FEZF1: variants seen among roughly 807,000 people sequenced by gnomAD.
FEZF1 encodes the protein FEZ family zinc finger 1, also known as fez family zinc finger protein 1.
FEZF1 carries 8 observed loss-of-function variants against 32.4 expected under a neutral mutation model. The ratio of observed to expected loss-of-function variants is 0.25; its 90% CI spans 0.15 to 0.45. The LOEUF (loss-of-function observed/expected upper bound fraction) is 0.45. FEZF1 is among the 20% of genes least tolerant of loss of function. The pLI, the probability that FEZF1 is intolerant of heterozygous loss-of-function variation, is 1.00. For synonymous variants in FEZF1, 259 were observed against 265.2 expected, an observed-to-expected ratio of 0.98 and a Z score of 0.23; for missense variants, 546 against 622.3, an observed-to-expected ratio of 0.88 and a Z score of 1.31.
intron 1 of FEZF1, 33 bp from the exon 2 acceptor site, chr7:122,303,344 C>T (rs770271162): frequency 4.8e-5 from 77 of 1,611,588 alleles, no homozygotes; most frequent in Non-Finnish European, 6.4e-5. Context: ...ACAGGTTAGC[C>T]GCACAAGTAA....
Position 122,303,711 on chromosome 7 carries a change from A to G in FEZF1, c.727T>C (p.Phe243Leu), listed in dbSNP as rs2031154711. The G allele has an allele frequency of 1.9e-6, 3 of 1,614,058 alleles. No homozygotes were observed. The highest frequency in any genetic ancestry group is 2.5e-6 in the Non-Finnish European group (3 of 1,180,040). Residue 243 changes from phenylalanine to leucine, a missense_variant, in exon 1 of 4, where the codon TTC becomes CTC. By Grantham distance (22) the Phe-to-Leu change is conservative. Transcript: ENST00000442488. ...CCTCGGCTGAAATCCGAGGTTTTGA[A>G]CGCGATTTTTTCCGACAGAAGCTGG... is the stretch of plus-strand genomic sequence containing the variant. ...SAQLLSEKIA[F>L]KTSDFSRGSP...
At position 122,303,297 on chromosome 7, in the gene FEZF1, G is replaced by A. The variant is rs1480872691; in HGVS notation, c.816C>T (p.His272=). 1 of 1,613,930 alleles carries A rather than the reference G, an allele frequency of 6.2e-7. No individual in the cohort carries two copies. Among genetic ancestry groups the A allele is most frequent in the Admixed American group, 1.7e-5 (1 of 60,004 alleles). ...CTGGCATGTGACGGGTTAAGTTATA[G>A]TGCGCATTAAAGACCTTAAAATTAA... The part of the protein sequence containing the change: ...CEVCGKVFNA[H]YNLTRHMPVH... The change falls in exon 2 of 4, where the codon CAC becomes CAT. Residue 272 remains histidine, a synonymous_variant. Coordinates refer to ENST00000442488, the MANE Select transcript of FEZF1 (RefSeq NM_001024613.4).
Position 122,302,052 on chromosome 7 carries a change from G to T in FEZF1, c.1373C>A (p.Pro458Gln), listed in dbSNP as rs1243641294. The change falls in exon 4 of 4, where the codon CCG becomes CAG. Residue 458 changes from proline to glutamine, a missense_variant. Physicochemically the swap from Pro to Gln is moderately conservative, Grantham distance 76. Transcript: ENST00000442488. This position sits in a 1 kb window ranked among gnomAD's most constrained non-coding sequence, Gnocchi z 4.4. The part of the protein sequence containing the change: ...QPPMTLPPLQ[P>Q]PLPTPGPLQP... ...CAGGGGCCCCGGGGTTGGCAGCGGC[G>T]GCTGCAGAGGAGGCAGCGTCATCGG... 1.8e-5 allele frequency: 29 copies of T among 1,603,762 alleles called. No homozygotes were observed. Among genetic ancestry groups the T allele is most frequent in the Non-Finnish European group, 2.3e-5 (27 of 1,178,292 alleles).
Position 122,302,076 on chromosome 7 carries a change from G to C in FEZF1, c.1349C>G (p.Pro450Arg), listed in dbSNP as rs766021955. The C allele has an allele frequency of 3.5e-5, 57 of 1,607,882 alleles. 1 individual carries two copies. The Admixed American group carries it at 6.5e-4, about 18-fold the overall frequency. Residue 450 changes from proline to arginine, a missense_variant, in exon 4 of 4, where the codon CCG becomes CGG. Physicochemically the swap from Pro to Arg is moderately radical, Grantham distance 103. This residue lies in a region of FEZF1 where 83 missense variants were observed against 73.0 expected (regional missense o/e 1.14). Coordinates refer to ENST00000442488, the MANE Select transcript of FEZF1 (RefSeq NM_001024613.4). The surrounding 1 kb of genome is among the most constrained non-coding windows in gnomAD (Gnocchi z 4.4). ...CGGCTGCAGAGGAGGCAGCGTCATC[G>C]GCGGCTGCTGCGGTAGCGGGGGCGG... is the stretch of plus-strand genomic sequence containing the variant. Reference protein sequence around the residue: ...EPPPPLPQQPPMTLPPLQPPL... With the variant: ...EPPPPLPQQPRMTLPPLQPPL...
At chr7:122,308,290 T>C (rs1394819594), upstream of FEZF1, among the ~76,000 whole-genome samples, 1 of 152,126 alleles carries the variant, frequency 6.6e-6, no homozygotes, top group Non-Finnish European at 1.5e-5. Context: ...TGAAATATCC[T>C]GAGGAAACCA....
rs1209285762 is a variant in FEZF1 at position 122,303,528 on chromosome 7, A to AGGAG, written c.801+108_801+109insCTCC. 1,287 of 339,572 alleles carry AGGAG rather than the reference A, an allele frequency of 3.8e-3. 10 individuals are homozygous for AGGAG. The highest frequency in any genetic ancestry group is 4.8e-3 in the Non-Finnish European group (896 of 187,316). 21.0% of individuals were successfully genotyped at this position (339,572 alleles called of 1,614,324 possible). ...AAGGAAGGAAGGAAGGAAGGAAGGA[A>AGGAG]GGAAGGAAGGAGGGAGGGAAGGAAG... On this transcript the variant is annotated intron_variant, in intron 1 of 3. Transcript: ENST00000442488.
rs996907894 is a variant in FEZF1, at chr7:122,304,619, C to G, written c.-182G>C. On this transcript the variant is annotated 5_prime_UTR_variant, in exon 1 of 4. Transcript: ENST00000442488. ...GCCCAGCCCAATGGACTCCTGCCAG[C>G]CCATCGCAGAGTTCTTGGCGCACCA... 6.3e-6 allele frequency: 3 copies of G among 474,912 alleles called. No individual in the cohort carries two copies. The highest frequency in any genetic ancestry group is 1.1e-5 in the Non-Finnish European group (3 of 263,612). The allele number at this position is 474,912 out of a possible 1,614,324, so 29.4% of individuals were successfully genotyped here.
Position 122,303,508 on chromosome 7 carries a change from A to G in FEZF1, c.801+129T>C, listed in dbSNP as rs185230223. The G allele has an allele frequency of 6.9e-3, 2,522 of 366,622 alleles. 66 individuals carry two copies. Among genetic ancestry groups the G allele is most frequent in the East Asian group, 0.065 (968 of 14,862 alleles). 22.7% of individuals were successfully genotyped at this position (366,622 alleles called of 1,614,324 possible). A position where few individuals can be genotyped will look rare whatever the true frequency, so the allele number is the denominator to read the frequency against. Reference sequence around the variant, plus strand: ...AAGGAAGGAAGGAAGGAAGGAAGGAAGGAAGGAAGGAAGGAAGGAAGGAAG... The same window carrying G: ...AAGGAAGGAAGGAAGGAAGGAAGGAGGGAAGGAAGGAAGGAAGGAAGGAAG... On this transcript the variant is annotated intron_variant, in intron 1 of 3. Transcript: ENST00000442488.
intron 1 of FEZF1, chr7:122,309,803 T>G (rs2031375938): frequency 6.6e-6 from 1 of 152,142 alleles, no homozygotes; most frequent in African/African-American, 2.4e-5. Flanking sequence ...ACATGCTCTA[T>G]TGCTCTACAC....
Position 122,304,027 on chromosome 7 carries a change from C to T in FEZF1, c.411G>A (p.Pro137=). Residue 137 remains proline (P), a synonymous_variant, in exon 1 of 4, where the codon CCG becomes CCA. Transcript: ENST00000442488. ...GCCTTACCAGCTTGTACTGCTGCAG[C>T]GGCAGCGCGTCGCGGGCCAGGTCGC... ...LKGDLARDAL[P]LQQYKLVRPR... 6.4e-7 allele frequency: 1 copy of T among 1,561,332 alleles called. No homozygotes were observed. The highest frequency in any genetic ancestry group is 8.7e-7 in the Non-Finnish European group (1 of 1,154,570).
At chr7:122,307,523 C>G (rs1370818905), upstream of FEZF1, 1 of 152,638 alleles carries the variant, frequency 6.6e-6, no homozygotes, top group Non-Finnish European at 1.5e-5. Flanking sequence ...TCTCCTCCCC[C>G]TCCCCTCTCC....
At position 122,301,716 on chromosome 7, in the gene FEZF1, TC is replaced by T; in HGVS notation, c.*280del. 1 of 386,160 alleles carries T rather than the reference TC, an allele frequency of 2.6e-6. No individual in the cohort carries two copies. The highest frequency in any genetic ancestry group is 4.0e-5 in the East Asian group (1 of 24,904). 23.9% of individuals were successfully genotyped at this position (386,160 alleles called of 1,614,324 possible). A position where few individuals can be genotyped will look rare whatever the true frequency, so the allele number is the denominator to read the frequency against. On this transcript the variant is annotated 3_prime_UTR_variant, in exon 4 of 4. Coordinates refer to ENST00000442488, the MANE Select transcript of FEZF1 (RefSeq NM_001024613.4). ...CCATCTCTCCACCCAAGATGAAAAG[TC>T]TTTCCAAATTAAAAAAAAAGAAAAA...
In FEZF1 at chr7:122,302,737, G is replaced by T. The variant is rs539691807; in HGVS notation, c.1069+62C>A. ...TAAACATCGTCTTCTAAAACATCCC[G>T]AAAGTATTAAGTATGGCTTTTCATA... On this transcript the variant is annotated intron_variant, in intron 3 of 3. Transcript: ENST00000442488. This position sits in a 1 kb window ranked among gnomAD's most constrained non-coding sequence, Gnocchi z 4.4. The T allele has an allele frequency of 3.8e-6, 6 of 1,564,982 alleles. No individual in the cohort carries two copies. The highest frequency in any genetic ancestry group is 1.4e-5 in the African/African-American group (1 of 73,136).
At chr7:122,303,524 A>C in intron 1 of FEZF1, 113 bp downstream of exon 1, 5 of 434,316 alleles carry the variant, frequency 1.2e-5, no homozygotes, top group African/African-American at 3.2e-5. Context: ...GAAGGAAGGA[A>C]GGAAGGAAGG....
At position 122,304,663 on chromosome 7, in the gene FEZF1, CTACT is replaced by C. The variant is rs2031213137; in HGVS notation, c.-230_-227del. 4.5e-6 allele frequency: 2 copies of C among 441,890 alleles called. No homozygotes were observed. The highest frequency in any genetic ancestry group is 2.0e-5 in the African/African-American group (1 of 49,636). The allele number at this position is 441,890 out of a possible 1,614,324, so 27.4% of individuals were successfully genotyped here. On this transcript the variant is annotated 5_prime_UTR_variant, in exon 1 of 4. Coordinates refer to ENST00000442488, the MANE Select transcript of FEZF1 (RefSeq NM_001024613.4). ...CGCACCAATGACTCGGGGACAATCA[CTACT>C]TATTTCTATCAATAGAAAGTGTTGT...
Position 122,302,093 on chromosome 7 carries a change from C to G in FEZF1, c.1332G>C (p.Pro444=), listed in dbSNP as rs1299753539. Residue 444 remains proline (P), a synonymous_variant, in exon 4 of 4, where the codon CCG becomes CCC. Transcript: ENST00000442488. The surrounding 1 kb of genome is among the most constrained non-coding windows in gnomAD (Gnocchi z 4.4). ...GCGTCATCGGCGGCTGCTGCGGTAG[C>G]GGGGGCGGCGGTTCAGTGCCTGGTT... ...AGEPGTEPPP[P]LPQQPPMTLP... is the part of the protein sequence containing the mutation. 1.9e-6 allele frequency: 3 copies of G among 1,610,140 alleles called. No homozygotes were observed. The highest frequency in any genetic ancestry group is 2.2e-5 in the South Asian group (2 of 91,016).
In FEZF1 at chr7:122,301,917, C is replaced by G; in HGVS notation, c.*80G>C. 2.6e-6 allele frequency: 4 copies of G among 1,516,740 alleles called. No homozygotes were observed. The highest frequency in any genetic ancestry group is 4.5e-5 in the East Asian group (2 of 43,988). 94.0% of individuals were successfully genotyped at this position (1,516,740 alleles called of 1,614,324 possible). On this transcript the variant is annotated 3_prime_UTR_variant, in exon 4 of 4. Transcript: ENST00000442488. ...CCCAACATGCCCTGGGGTCTGCAGA[C>G]GAACTCGGACCAGGAGCTCTAGTCT... is the stretch of plus-strand genomic sequence containing the variant.
chr7:122,304,025 A>G lies in FEZF1; in HGVS notation c.413T>C (p.Leu138Pro), dbSNP rs2031176054. ...CGGCCTTACCAGCTTGTACTGCTGC[A>G]GCGGCAGCGCGTCGCGGGCCAGGTC... ...KGDLARDALP[L>P]QQYKLVRPRV... is the part of the protein sequence containing the mutation. The change falls in exon 1 of 4, where the codon CTG (leucine) becomes CCG (proline). Residue 138 changes from leucine to proline, a missense_variant. Leu to Pro is a moderately conservative substitution (Grantham distance 98). This residue lies in a region of FEZF1 where 345 missense variants were observed against 360.6 expected (regional missense o/e 0.96). Transcript: ENST00000442488. The G allele has an allele frequency of 1.9e-6, 3 of 1,562,326 alleles. No homozygotes were observed. The highest frequency in any genetic ancestry group is 1.4e-5 in the African/African-American group (1 of 73,536).
Position 122,301,651 on chromosome 7 carries a change from T to C in FEZF1, c.*346A>G, listed in dbSNP as rs550112024. 2.5e-4 allele frequency: 60 copies of C among 237,728 alleles called. No individual in the cohort carries two copies. The highest frequency in any genetic ancestry group is 1.1e-3 in the African/African-American group (50 of 44,426). The allele number at this position is 237,728 out of a possible 1,614,324, so 14.7% of individuals were successfully genotyped here. On this transcript the variant is annotated 3_prime_UTR_variant, in exon 4 of 4. Transcript: ENST00000442488. ...AGAATAATACAGATCTCAATAAATA[T>C]AGCAGAAATTTGTTTAAACAAAACA... is the stretch of plus-strand genomic sequence containing the variant.
Sources: allele counts gnomAD v4.1 joint callset (sites outside exome capture counted in the v4.1 genomes callset), GRCh38; gene constraint gnomAD v4.1.1; regional missense constraint gnomAD v4.1.1; non-coding constraint Gnocchi (gnomAD v3.1); transcripts MANE v1.5; gene names NCBI Gene and HGNC (gene_info 2026-07-23, HGNC 2026-07-21).